DGLUCY: variants seen among roughly 807,000 people sequenced by gnomAD.
DGLUCY encodes the protein D-glutamate cyclase.
A neutral mutation model predicts 58.5 loss-of-function variants in DGLUCY; 58 were observed. That is an observed-to-expected ratio of 0.99 (90% CI 0.80 to 1.23). The LOEUF (loss-of-function observed/expected upper bound fraction) is 1.23, where lower values mean the gene tolerates loss of function less well. DGLUCY is among the 50% of genes most tolerant of loss of function. DGLUCY has a pLI of 0.00. For synonymous variants in DGLUCY, 325 were observed against 314.1 expected (o/e 1.03, Z -0.37); for missense variants, 779 against 784.7 (o/e 0.99, Z 0.09).
At chr14:91,088,797 G>A (rs770879059) in intron 1 of DGLUCY, among the ~76,000 whole-genome samples, 25 of 152,206 alleles carry the variant, frequency 1.6e-4, no homozygotes, top group Non-Finnish European at 3.2e-4. Flanking sequence ...CCCCAGGGAC[G>A]GGAGGCTGCC....
At chr14:91,213,001 TAA>T (rs59133029) in intron 12 of DGLUCY, among the ~76,000 whole-genome samples, 4,119 of 135,870 alleles carry the variant, frequency 0.03, 88 homozygotes, top group Middle Eastern at 0.087. Context: ...ACTCCGTCTC[TAA>T]AAAAAAAAAA....
intron 1 of DGLUCY, among the ~76,000 whole-genome samples, chr14:91,117,384 G>A (rs1360337824): frequency 6.6e-6 from 1 of 152,136 alleles, no homozygotes; most frequent in Non-Finnish European, 1.5e-5. Context: ...ATGCAGCCCA[G>A]TAAGTCTCAG....
intron 1 of DGLUCY, among the ~76,000 whole-genome samples, chr14:91,086,053 C>G (rs768553957): frequency 2.0e-5 from 3 of 152,168 alleles, no homozygotes; most frequent in Admixed American, 6.5e-5. Context: ...GCATTCGATT[C>G]TCAGGGGAGC....
At chr14:91,159,700 T>A (rs929138515) in intron 2 of DGLUCY, among the ~76,000 whole-genome samples, 3 of 152,228 alleles carry the variant, frequency 2.0e-5, no homozygotes, top group African/African-American at 7.2e-5. Context: ...CTATACCTTC[T>A]AGAAACCTAA....
At chr14:91,108,896 A>G (rs2044647574) in intron 1 of DGLUCY, among the ~76,000 whole-genome samples, 1 of 152,168 alleles carries the variant, frequency 6.6e-6, no homozygotes, top group South Asian at 2.1e-4. Context: ...CGATTGGTCT[A>G]GAAGCAATGT....
chr14:91,085,750 G>T lies in DGLUCY; in HGVS notation c.-82+25046G>T, dbSNP rs1028425236. 3.3e-5 allele frequency among the ~76,000 whole-genome samples: 5 copies of T among 151,950 alleles called. No individual in the cohort carries two copies. In the South Asian group the frequency reaches 1.0e-3, roughly 31 times the overall value. ...ATACCTGGCTAATTTTGTATTTTTAGTAGAGCTGGGGTTTCACCATGTTGC... is the reference window on the plus strand; with the variant it reads ...ATACCTGGCTAATTTTGTATTTTTATTAGAGCTGGGGTTTCACCATGTTGC... On this transcript the variant is annotated intron_variant, in intron 1 of 4. Coordinates refer to the DGLUCY transcript ENST00000521334.
intron 13 of DGLUCY, chr14:91,220,383 G>T (rs867396738): frequency 2.4e-6 from 1 of 423,150 alleles, no homozygotes; most frequent in African/African-American, 2.0e-5. Flanking sequence ...AATGCCAACC[G>T]TCATTATCAT....
chr14:91,141,406 T>C (rs971764863), intron 1 of DGLUCY, among the ~76,000 whole-genome samples: 1 of 151,888 alleles, frequency 6.6e-6, no homozygotes. Flanking sequence ...AAAGGAGTTA[T>C]CGTATATTGA....
At chr14:91,139,277 G>A (rs1315934647) in intron 1 of DGLUCY, among the ~76,000 whole-genome samples, 2 of 152,082 alleles carry the variant, frequency 1.3e-5, no homozygotes, top group African/African-American at 2.4e-5. Context: ...TGTTCTCTTC[G>A]AGTCCTCCGT....
At chr14:91,060,515 G>A (rs980692874) in exon 1 of DGLUCY, 30 of 1,245,098 alleles carry the variant, frequency 2.4e-5, no homozygotes, top group African/African-American at 7.8e-5. Flanking sequence ...CGCAGCCGCT[G>A]CCGCGGCCCC....
chr14:91,212,327 C>T (rs755615873), intron 12 of DGLUCY, among the ~76,000 whole-genome samples: 2 of 150,856 alleles, frequency 1.3e-5, no homozygotes, highest in Non-Finnish European at 3.0e-5. Context: ...GGCAATGTAG[C>T]GAGAACTTGT....
intron 12 of DGLUCY, among the ~76,000 whole-genome samples, chr14:91,213,678 G>A (rs963758925): frequency 7.6e-5 from 11 of 144,920 alleles, no homozygotes; most frequent in African/African-American, 2.8e-4. Flanking sequence ...ACATGCCTTT[G>A]TATTCACTGA....
upstream of DGLUCY, among the ~76,000 whole-genome samples, chr14:91,103,906 G>A (rs2044537010): frequency 6.7e-6 from 1 of 150,184 alleles, no homozygotes; most frequent in Non-Finnish European, 1.5e-5. Context: ...TCCCACTTCT[G>A]CGCATGTCTG....
rs1313347811 is a variant in DGLUCY at position 91,222,709 on chromosome 14, TC to T, written c.1717-1974del. Among the ~76,000 whole-genome samples, 11 of 152,368 alleles carry T rather than the reference TC, an allele frequency of 7.2e-5. No homozygotes were observed. In the East Asian group the frequency reaches 2.1e-3, roughly 29 times the overall value. On this transcript the variant is annotated intron_variant, in intron 13 of 13. Transcript: ENST00000256324. Reference sequence around the variant, plus strand: ...GTTAGTGAGTGACCCTCCAGGGCTCTCAGCTGGCTCATTTTTATTCTTTCAT... The same window carrying T: ...GTTAGTGAGTGACCCTCCAGGGCTCTAGCTGGCTCATTTTTATTCTTTCAT...
chr14:91,106,684 G>A (rs145347058), upstream of DGLUCY, among the ~76,000 whole-genome samples: 1,768 of 143,364 alleles, frequency 0.012, 27 homozygotes, highest in African/African-American at 0.042. Flanking sequence ...TCCAGCCTGG[G>A]CAACAAAGCG....
At chr14:91,173,871 T>TAA (rs2048714520) in intron 6 of DGLUCY, 1 of 151,692 alleles carries the variant, frequency 6.6e-6, no homozygotes, top group South Asian at 2.1e-4. Flanking sequence ...TATATATATA[T>TAA]AATGAATATA....
chr14:91,195,880 C>T (rs899199804), intron 9 of DGLUCY, among the ~76,000 whole-genome samples: 10 of 152,016 alleles, frequency 6.6e-5, no homozygotes, highest in South Asian at 6.2e-4. Context: ...CCATGTTAGC[C>T]GGGATGGTCT....
In DGLUCY at chr14:91,135,604, C is replaced by T. The variant is rs184196666; in HGVS notation, c.-82+21321C>T. Reference sequence around the variant, plus strand: ...GGCAGAGGTTGCAGCGAGCCGAGATCGAGCCACTGCACTCTAGCCTGGGCA... The same window carrying T: ...GGCAGAGGTTGCAGCGAGCCGAGATTGAGCCACTGCACTCTAGCCTGGGCA... On this transcript the variant is annotated intron_variant, in intron 1 of 13. Transcript: ENST00000256324. 5.3e-4 allele frequency among the ~76,000 whole-genome samples: 75 copies of T among 142,534 alleles called. 1 individual carries two copies. In the Middle Eastern group the frequency reaches 0.022, roughly 42 times the overall value. 93.5% of individuals were successfully genotyped at this position (142,534 alleles called of 152,430 possible). A position where few individuals can be genotyped will look rare whatever the true frequency, so the allele number is the denominator to read the frequency against.
chr14:91,207,161 GAAAA>G (rs56355078), intron 12 of DGLUCY, among the ~76,000 whole-genome samples: 28,625 of 85,714 alleles, frequency 0.33, 3,686 homozygotes, highest in Middle Eastern at 0.46. Context: ...ACTGTCTCAG[GAAAA>G]AAAAAAAAAA....
Sources: gnomAD v4.1 joint callset for allele counts (sites outside exome capture counted in the v4.1 genomes callset) on GRCh38, gnomAD v4.1.1 for gene constraint, MANE v1.5 for transcripts, NCBI Gene and HGNC (gene_info 2026-07-23, HGNC 2026-07-21) for gene names.